The following TRIM33 variants were observed in gnomAD, a reference collection of about 807,000 sequenced individuals.
The protein encoded by TRIM33 is tripartite motif containing 33.
TRIM33 carries 20 observed loss-of-function variants against 125.4 expected under a neutral mutation model. The observed-to-expected ratio is 0.16, with a 90% CI of 0.11 to 0.23. The LOEUF (loss-of-function observed/expected upper bound fraction) is 0.23. TRIM33 is among the 10% of genes least tolerant of loss of function. The probability of loss-of-function intolerance (pLI) is 1.00; values close to 1 mark genes in which losing one functional copy is unlikely to be tolerated. For synonymous variants in TRIM33, 564 were observed against 513.9 expected (o/e 1.10, Z -1.32); for missense variants, 920 against 1,411.4 (o/e 0.65, Z 5.58).
In TRIM33 at chr1:114,430,872, C is replaced by T. The variant is rs1038782926; in HGVS notation, c.1081G>A (p.Glu361Lys). 3 of 1,609,452 alleles carry T rather than the reference C, an allele frequency of 1.9e-6. No individual in the cohort carries two copies. The highest frequency in any genetic ancestry group is 2.6e-6 in the Non-Finnish European group (3 of 1,176,136). Residue 361 changes from glutamate to lysine, a missense_variant, in exon 6 of 20, where the codon GAA becomes AAA. Physicochemically the swap from Glu to Lys is moderately conservative, Grantham distance 56. Transcript: ENST00000358465. ...AGGGTGAAAATGGCCACTTTAATTT[C>T]CTGTTCTACTCGTTTGTTAGTCTCA... is the stretch of plus-strand genomic sequence containing the variant. ...VNETNKRVEQ[E>K]IKVAIFTLIN...
intron 4 of TRIM33, 134 bp downstream of exon 4, chr1:114,462,970 G>C (rs1650082327): frequency 1.5e-6 from 1 of 659,742 alleles, no homozygotes; most frequent in Non-Finnish European, 2.3e-6. Context: ...TATTGCTCAA[G>C]AAATTAAAAT....
intron 1 of TRIM33, among the ~76,000 whole-genome samples, chr1:114,474,596 A>G (rs1300569946): frequency 6.8e-6 from 1 of 147,572 alleles, no homozygotes; most frequent in Non-Finnish European, 1.5e-5. Flanking sequence ...AAAAAAAAAA[A>G]AAAAAGGCCA....
intron 4 of TRIM33, among the ~76,000 whole-genome samples, chr1:114,449,094 T>G (rs1418198499): frequency 1.3e-5 from 2 of 151,652 alleles, no homozygotes; most frequent in Non-Finnish European, 2.9e-5. Context: ...ACAGCAGCAA[T>G]GAGAGGTTAT....
chr1:114,430,702 A>T (rs901937553), intron 6 of TRIM33, 96 bp downstream of exon 6: 23 of 737,334 alleles, frequency 3.1e-5, no homozygotes, highest in Non-Finnish European at 5.5e-5. Flanking sequence ...TTATTTCCAT[A>T]CCCCCCAATC....
intron 1 of TRIM33, among the ~76,000 whole-genome samples, chr1:114,467,791 T>C (rs2101410407): frequency 6.6e-6 from 1 of 152,346 alleles, no homozygotes; most frequent in South Asian, 2.1e-4. Context: ...ACTCTTAGCA[T>C]GACCTAACAA....
At chr1:114,510,320 A>G (rs2101595511) in intron 1 of TRIM33, among the ~76,000 whole-genome samples, 1 of 152,130 alleles carries the variant, frequency 6.6e-6, no homozygotes, top group East Asian at 1.9e-4. Flanking sequence ...CCTCGGAGCC[A>G]GTGTCCCCTC....
chr1:114,446,687 C>T (rs928581605), intron 4 of TRIM33, among the ~76,000 whole-genome samples: 3 of 152,026 alleles, frequency 2.0e-5, no homozygotes, highest in African/African-American at 7.2e-5. Flanking sequence ...AAATAAAAAA[C>T]AAATACTAAA....
intron 1 of TRIM33, among the ~76,000 whole-genome samples, chr1:114,492,378 CTAT>C (rs1461987494): frequency 1.3e-5 from 2 of 152,124 alleles, no homozygotes; most frequent in African/African-American, 4.8e-5. Context: ...GCCATTTGAA[CTAT>C]TATGTATGTA....
intron 1 of TRIM33, among the ~76,000 whole-genome samples, chr1:114,488,016 C>G (rs1651823978): frequency 6.7e-6 from 1 of 150,330 alleles, no homozygotes; most frequent in African/African-American, 2.4e-5. Context: ...ATCTGGTCAT[C>G]TATATAGACA....
chr1:114,478,993 G>A (rs1002397221), intron 1 of TRIM33, among the ~76,000 whole-genome samples: 2 of 152,188 alleles, frequency 1.3e-5, no homozygotes, highest in South Asian at 4.1e-4. Context: ...GGTTTGCAGT[G>A]AGCCAAGGTT....
chr1:114,430,708 C>A, intron 6 of TRIM33, 90 bp downstream of exon 6: 1 of 768,778 alleles, frequency 1.3e-6, no homozygotes, highest in Admixed American at 2.1e-5. Context: ...CCATACCCCC[C>A]AATCCATCTA....
intron 9 of TRIM33, 93 bp downstream of exon 9, chr1:114,425,356 T>A: frequency 4.0e-6 from 6 of 1,492,970 alleles, no homozygotes; most frequent in Non-Finnish European, 4.5e-6. Flanking sequence ...GTCTTGCTAG[T>A]AACTTTGAAA....
chr1:114,468,962 A>C, intron 1 of TRIM33: 1 of 226,372 alleles, frequency 4.4e-6, no homozygotes, highest in Non-Finnish European at 9.0e-6. Flanking sequence ...TATTTTGTCA[A>C]CTTTACAGAT....
Position 114,510,865 on chromosome 1 carries a change from G to A in TRIM33, c.212C>T (p.Ser71Phe), listed in dbSNP as rs777482424. The change falls in exon 1 of 20, where the codon TCC (serine) becomes TTC (phenylalanine). Residue 71 changes from serine to phenylalanine, a missense_variant. Around this residue, in one of 8 missense-constraint regions of TRIM33, gnomAD observed 233 missense variants for 189.6 expected, o/e 1.23. Coordinates refer to ENST00000358465, the MANE Select transcript of TRIM33 (RefSeq NM_015906.4). ...TGAAGCAGCCTGGGCCGAGCCCGAG[G>A]AGGCCGCGGCCACCCCCCCGTCGTC... ...GPDDGGVAAA[S>F]SGSAQAASSP... 8.9e-6 allele frequency: 13 copies of A among 1,468,776 alleles called. No homozygotes were observed. The highest frequency in any genetic ancestry group is 2.9e-5 in the East Asian group (1 of 34,124). The allele number at this position is 1,468,776 out of a possible 1,614,324, so 91.0% of individuals were successfully genotyped here.
At chr1:114,481,156 G>A (rs187419430) in intron 1 of TRIM33, among the ~76,000 whole-genome samples, 4 of 152,020 alleles carry the variant, frequency 2.6e-5, no homozygotes. Flanking sequence ...CTGGGCAACA[G>A]AGTAAGACTC....
Position 114,424,748 on chromosome 1 carries a change from C to T in TRIM33, c.1703G>A (p.Arg568Gln). Residue 568 changes from arginine to glutamine, a missense_variant, in exon 10 of 20, where the codon CGA (arginine) becomes CAA (glutamine). Arg to Gln is a conservative substitution (Grantham distance 43). Coordinates refer to ENST00000358465, the MANE Select transcript of TRIM33 (RefSeq NM_015906.4). The part of the protein sequence containing the change: ...APQMLQQQPP[R>Q]LISVQTMQRG... ...TTGCATTGTTTGCACACTGATCAAT[C>T]GAGGAGGCTACAAAAAGTAGAAATT... The T allele has an allele frequency of 6.7e-7, 1 of 1,497,416 alleles. No individual in the cohort carries two copies. Among genetic ancestry groups the T allele is most frequent in the Admixed American group, 2.3e-5 (1 of 43,634 alleles). 92.8% of individuals were successfully genotyped at this position (1,497,416 alleles called of 1,614,324 possible).
At chr1:114,462,232 G>A (rs958756271) in intron 4 of TRIM33, among the ~76,000 whole-genome samples, 2 of 152,144 alleles carry the variant, frequency 1.3e-5, no homozygotes, top group African/African-American at 2.4e-5. Context: ...ACAAAGTAAG[G>A]CTGCAATAAT....
At chr1:114,471,046 G>T (rs569536107) in intron 1 of TRIM33, among the ~76,000 whole-genome samples, 1 of 152,124 alleles carries the variant, frequency 6.6e-6, no homozygotes, top group Non-Finnish European at 1.5e-5. Flanking sequence ...CAATCCTCCC[G>T]CATAGGCCTC....
intron 11 of TRIM33, among the ~76,000 whole-genome samples, chr1:114,411,492 C>T (rs563571451): frequency 1.3e-5 from 2 of 152,222 alleles, no homozygotes; most frequent in Admixed American, 6.5e-5. Context: ...CTAGCTGCAA[C>T]TCAAGTCAAC....
Sources: allele counts gnomAD v4.1 joint callset (sites outside exome capture counted in the v4.1 genomes callset), GRCh38; gene constraint gnomAD v4.1.1; regional missense constraint gnomAD v4.1.1; transcripts MANE v1.5; gene names NCBI Gene and HGNC (gene_info 2026-07-23, HGNC 2026-07-21).